RSF1: variants seen among roughly 807,000 people sequenced by gnomAD.
The protein encoded by RSF1 is remodeling and spacing factor 1, also known as HBV pX-associated protein 8.
Under a neutral mutation model 145.2 loss-of-function variants are expected in RSF1, and 13 were observed. The ratio of observed to expected loss-of-function variants is 0.09; its 90% CI spans 0.06 to 0.14. The LOEUF is 0.14. Ranked by LOEUF, RSF1 falls within the 10% of genes least tolerant of loss-of-function variation. RSF1 has a pLI of 1.00. For missense variants in RSF1, 1,517 were observed against 1,718.2 expected (o/e 0.88, Z 2.07); for synonymous variants, 577 against 592.6 (o/e 0.97, Z 0.38).
At chr11:77,715,636 C>T (rs1960790163) in intron 5 of RSF1, among the ~76,000 whole-genome samples, 1 of 152,078 alleles carries the variant, frequency 6.6e-6, no homozygotes, top group African/African-American at 2.4e-5. Flanking sequence ...TTAGTAGAGA[C>T]GGGGTTTCAC....
the RSF1 span, among the ~76,000 whole-genome samples, chr11:77,840,280 G>C: frequency 1.4e-3 from 206 of 152,314 alleles, 1 homozygote; most frequent in Middle Eastern, 0.037. Flanking sequence ...TGTAATCCCA[G>C]CACTTTGGGA....
intron 1 of RSF1, among the ~76,000 whole-genome samples, chr11:77,807,754 G>A (rs961181380): frequency 6.6e-6 from 1 of 152,182 alleles, no homozygotes; most frequent in African/African-American, 2.4e-5. Flanking sequence ...CATTGTTAAG[G>A]CCTAGGCATG....
At chr11:77,844,730 AT>A in the RSF1 span, among the ~76,000 whole-genome samples, 340 of 151,920 alleles carry the variant, frequency 2.2e-3, no homozygotes, top group African/African-American at 7.4e-3. Context: ...GGCTTTAGGG[AT>A]TTTGTTTTGT....
chr11:77,839,025 T>C, the RSF1 span, among the ~76,000 whole-genome samples: 6 of 152,212 alleles, frequency 3.9e-5, no homozygotes, highest in Non-Finnish European at 8.8e-5. Context: ...ATTGTTACCA[T>C]ATTTTTGTTT....
At position 77,693,497 on chromosome 11, in the gene RSF1, G is replaced by A. The variant is rs780077734; in HGVS notation, c.2820+10C>T. On this transcript the variant is annotated intron_variant, in intron 8 of 15. Transcript: ENST00000308488. ...TCAAAGACTAGAAAAACAAGTGGGC[G>A]GGGTCTTACATGTTGGCAAGGTGGG... is the stretch of plus-strand genomic sequence containing the variant. The A allele has an allele frequency of 7.7e-6, 12 of 1,551,946 alleles. No individual in the cohort carries two copies. Among genetic ancestry groups the A allele is most frequent in the Middle Eastern group, 1.7e-4 (1 of 5,944 alleles).
chr11:77,672,919 G>C (rs1565143740), intron 14 of RSF1, among the ~76,000 whole-genome samples: 1 of 152,180 alleles, frequency 6.6e-6, no homozygotes, highest in Non-Finnish European at 1.5e-5. Context: ...CTGGCCTCAA[G>C]TGATCCGCCT....
intron 5 of RSF1, among the ~76,000 whole-genome samples, chr11:77,717,500 G>GAT (rs1227382940): frequency 6.6e-6 from 1 of 152,220 alleles, no homozygotes; most frequent in African/African-American, 2.4e-5. Context: ...CCCTGTCCTA[G>GAT]ATCGATCTCC....
chr11:77,677,569 T>C (rs1001581268), intron 12 of RSF1, among the ~76,000 whole-genome samples: 3 of 152,238 alleles, frequency 2.0e-5, no homozygotes, highest in African/African-American at 7.2e-5. Context: ...AGAGTTTTCA[T>C]AATAACTAAG....
chr11:77,803,122 C>A (rs1948642687), intron 1 of RSF1, among the ~76,000 whole-genome samples: 1 of 152,070 alleles, frequency 6.6e-6, no homozygotes, highest in Non-Finnish European at 1.5e-5. Flanking sequence ...TTCAGCCCAA[C>A]CTCCAGGGAC....
chr11:77,828,870 T>C, the RSF1 span, among the ~76,000 whole-genome samples: 6 of 152,144 alleles, frequency 3.9e-5, no homozygotes, highest in Non-Finnish European at 7.3e-5. Context: ...AATTGACAAG[T>C]TGATCCTAAT....
chr11:77,833,412 T>A, the RSF1 span, among the ~76,000 whole-genome samples: 1 of 152,112 alleles, frequency 6.6e-6, no homozygotes, highest in Non-Finnish European at 1.5e-5. Context: ...CCTAAATCCC[T>A]CACATGTGCA....
the RSF1 span, among the ~76,000 whole-genome samples, chr11:77,860,655 A>G: frequency 6.6e-6 from 1 of 152,158 alleles, no homozygotes; most frequent in Non-Finnish European, 1.5e-5. Context: ...GGCCAAATAG[A>G]TGGGGGCTGT....
At chr11:77,692,993 G>C (rs1264541249) in intron 8 of RSF1, among the ~76,000 whole-genome samples, 1 of 152,086 alleles carries the variant, frequency 6.6e-6, no homozygotes, top group African/African-American at 2.4e-5. Context: ...TCATTTTTAA[G>C]GCAAATGAAA....
chr11:77,752,035 C>A (rs1411915534), intron 2 of RSF1, among the ~76,000 whole-genome samples: 2 of 152,100 alleles, frequency 1.3e-5, no homozygotes, highest in African/African-American at 2.4e-5. Flanking sequence ...AGCTCAGATA[C>A]CATGGTGAAA....
chr11:77,829,103 G>A, the RSF1 span, among the ~76,000 whole-genome samples: 1 of 152,152 alleles, frequency 6.6e-6, no homozygotes, highest in African/African-American at 2.4e-5. Context: ...CCTATAGGAA[G>A]GAGTTAACTA....
At chr11:77,852,224 C>CAAAAAAAAAAAAAAAAAAA in the RSF1 span, among the ~76,000 whole-genome samples, 103 of 33,392 alleles carry the variant, frequency 3.1e-3, 6 homozygotes, top group East Asian at 3.8e-3. Flanking sequence ...GACACTGTCT[C>CAAAAAAAAAAAAAAAAAAA]AAAAAAAAAA....
intron 1 of RSF1, among the ~76,000 whole-genome samples, chr11:77,770,090 T>C (rs1472651419): frequency 6.6e-6 from 1 of 152,198 alleles, no homozygotes; most frequent in Non-Finnish European, 1.5e-5. Flanking sequence ...GTTCATTTAA[T>C]CAATCATCCT....
intron 2 of RSF1, among the ~76,000 whole-genome samples, chr11:77,750,284 A>T (rs917138552): frequency 2.6e-5 from 4 of 152,192 alleles, no homozygotes; most frequent in African/African-American, 7.2e-5. Flanking sequence ...AGGCCCAAAC[A>T]AGAAATAATT....
At position 77,666,770 on chromosome 11, in the gene RSF1, G is replaced by C. The variant is rs117087502; in HGVS notation, c.*147C>G. On this transcript the variant is annotated 3_prime_UTR_variant, in exon 16 of 16. Transcript: ENST00000308488. ...AAAGTTCAGAACTGGTCACTTCACA[G>C]AAAGACTTCAGGATTTGTTGAAATT... The C allele has an allele frequency of 1.8e-6, 1 of 560,412 alleles. No homozygotes were observed. The highest frequency in any genetic ancestry group is 2.9e-5 in the East Asian group (1 of 34,752). The allele number at this position is 560,412 out of a possible 1,614,324, so 34.7% of individuals were successfully genotyped here.
Sources: gnomAD v4.1 joint callset for allele counts (sites outside exome capture counted in the v4.1 genomes callset) on GRCh38, gnomAD v4.1.1 for gene constraint, MANE v1.5 for transcripts, NCBI Gene and HGNC (gene_info 2026-07-23, HGNC 2026-07-21) for gene names.